Variants in SHISA7 observed in about 807,000 individuals in gnomAD.
The protein encoded by SHISA7 is protein shisa-7.
Under a neutral mutation model 23.9 loss-of-function variants are expected in SHISA7, and 6 were observed. That is an observed-to-expected ratio of 0.25 (90% CI 0.14 to 0.50). SHISA7 has a LOEUF of 0.50. Among genes scored for constraint, SHISA7 ranks in the 20% least tolerant of loss-of-function variants. The pLI, the probability that SHISA7 is intolerant of heterozygous loss-of-function variation, is 0.98. For synonymous variants in SHISA7, 386 were observed against 398.3 expected (o/e 0.97, Z 0.37); for missense variants, 671 against 801.1 (o/e 0.84, Z 1.96).
Position 55,430,404 on chromosome 19 carries a change from C to T in SHISA7, c.*2752G>A, listed in dbSNP as rs543327695. 5.9e-5 allele frequency: 9 copies of T among 152,382 alleles called. No homozygotes were observed. Among genetic ancestry groups the T allele is most frequent in the East Asian group, 5.8e-4 (3 of 5,190 alleles). 9.4% of individuals were successfully genotyped at this position (152,382 alleles called of 1,614,324 possible). On this transcript the variant is annotated 3_prime_UTR_variant, in exon 4 of 4. Transcript: ENST00000376325. ...CCCAGAGGACAACTGAAATACAGCC[C>T]GTCACGGTACTTGGCTCCTAAGATG...
At chr19:55,435,436 T>C (rs1985435651) in intron 3 of SHISA7, among the ~76,000 whole-genome samples, 1 of 144,820 alleles carries the variant, frequency 6.9e-6, no homozygotes, top group Non-Finnish European at 1.5e-5. Flanking sequence ...GATTGAAATA[T>C]TAAAGGATGA....
In SHISA7 at chr19:55,433,846, G is replaced by T; in HGVS notation, c.977-50C>A. On this transcript the variant is annotated intron_variant, in intron 3 of 3. Transcript: ENST00000376325. This position sits in a 1 kb window ranked among gnomAD's most constrained non-coding sequence, Gnocchi z 8.4. ...CAGCCGTGGGTCCCCTGCGCATCTA[G>T]AGCCCTCCCCCTCCCACCTCGTCAC... The T allele has an allele frequency of 7.4e-7, 1 of 1,355,270 alleles. No individual in the cohort carries two copies. Among genetic ancestry groups the T allele is most frequent in the South Asian group, 1.7e-5 (1 of 57,414 alleles). 84.0% of individuals were successfully genotyped at this position (1,355,270 alleles called of 1,614,324 possible). A position where few individuals can be genotyped will look rare whatever the true frequency, so the allele number is the denominator to read the frequency against.
At chr19:55,440,540 G>T in intron 2 of SHISA7, 71 bp downstream of exon 2, 3 of 1,227,176 alleles carry the variant, frequency 2.4e-6, no homozygotes, top group Non-Finnish European at 3.1e-6. Context: ...AGCCGCCATG[G>T]AGGGCGGGGC....
chr19:55,433,536 G>A lies in SHISA7; in HGVS notation c.1237C>T (p.Leu413=), dbSNP rs1463230441. The A allele has an allele frequency of 2.0e-6, 3 of 1,490,862 alleles. No individual in the cohort carries two copies. Among genetic ancestry groups the A allele is most frequent in the African/African-American group, 1.5e-5 (1 of 68,394 alleles). The allele number at this position is 1,490,862 out of a possible 1,614,324, so 92.4% of individuals were successfully genotyped here. The stretch of plus-strand genomic sequence containing the variant: ...AGGGCCTCGGGCGAGGACAGCAGCA[G>A]GTGCTCCTGCGACACCAGGCGCGCG... The part of the protein sequence containing the change: ...PRARLVSQEH[L]LLSSPEALRQ... The change falls in exon 4 of 4, where the codon CTG becomes TTG. Residue 413 remains leucine (L), a synonymous_variant. Transcript: ENST00000376325. This position sits in a 1 kb window ranked among gnomAD's most constrained non-coding sequence, Gnocchi z 8.4.
intron 2 of SHISA7, among the ~76,000 whole-genome samples, chr19:55,438,777 C>A (rs1226403753): frequency 6.6e-6 from 1 of 152,128 alleles, no homozygotes; most frequent in Non-Finnish European, 1.5e-5. Context: ...ATGCCATTGG[C>A]CACATGGGGG....
chr19:55,435,065 GTGTA>G (rs1266272674), intron 3 of SHISA7, among the ~76,000 whole-genome samples: 1 of 94,530 alleles, frequency 1.1e-5, no homozygotes, highest in Non-Finnish European at 2.2e-5. Context: ...TGTGTGTAGT[GTGTA>G]TGGTGTGTGT....
At position 55,442,311 on chromosome 19, in the gene SHISA7, T is replaced by G; in HGVS notation, c.553A>C (p.Thr185Pro). ...ATGACCCCGCACACGACGTAGGCTG[T>G]GCTGCCCCCGGGGCCCTCGCCCCCG... ...GRGGEGPGGS[T>P]AYVVCGVISF... is the part of the protein sequence containing the mutation. Residue 185 changes from threonine to proline, a missense_variant, in exon 1 of 4, where the codon ACA becomes CCA. Transcript: ENST00000376325. 1 of 1,514,118 alleles carries G rather than the reference T, an allele frequency of 6.6e-7. No individual in the cohort carries two copies. Among genetic ancestry groups the G allele is most frequent in the Non-Finnish European group, 8.8e-7 (1 of 1,137,598 alleles). The allele number at this position is 1,514,118 out of a possible 1,614,324, so 93.8% of individuals were successfully genotyped here. A position where few individuals can be genotyped will look rare whatever the true frequency, so the allele number is the denominator to read the frequency against.
At chr19:55,434,821 ATG>A (rs750349823) in intron 3 of SHISA7, among the ~76,000 whole-genome samples, 21 of 22,524 alleles carry the variant, frequency 9.3e-4, no homozygotes, top group Non-Finnish European at 1.6e-3. Flanking sequence ...CATGGTGTGT[ATG>A]TGTGTGTGGT....
intron 2 of SHISA7, among the ~76,000 whole-genome samples, chr19:55,438,878 C>CTT (rs35647245): frequency 3.1e-5 from 2 of 63,852 alleles, no homozygotes; most frequent in African/African-American, 2.5e-4. Flanking sequence ...GCACCCCCCC[C>CTT]CCTGGTGCCC....
Position 55,442,349 on chromosome 19 carries a change from C to T in SHISA7, c.515G>A (p.Gly172Asp), listed in dbSNP as rs1985616880. The T allele has an allele frequency of 2.0e-6, 3 of 1,464,330 alleles. No homozygotes were observed. Among genetic ancestry groups the T allele is most frequent in the South Asian group, 2.6e-5 (2 of 76,358 alleles). The allele number at this position is 1,464,330 out of a possible 1,614,324, so 90.7% of individuals were successfully genotyped here. Residue 172 changes from glycine (G) to aspartate (D), a missense_variant, in exon 1 of 4, where the codon GGT becomes GAT. Coordinates refer to ENST00000376325, the MANE Select transcript of SHISA7 (RefSeq NM_001145176.2). The part of the protein sequence containing the change: ...AGWLEGGRTG[G>D]AGGRGGEGPG... ...GCCCTCGCCCCCGCGGCCCCCGGCACCCCCAGTCCGGCCCCCTTCCAACCA... is the reference window on the plus strand; with the variant it reads ...GCCCTCGCCCCCGCGGCCCCCGGCATCCCCAGTCCGGCCCCCTTCCAACCA...
intron 3 of SHISA7, among the ~76,000 whole-genome samples, chr19:55,436,432 G>A (rs974163387): frequency 1.3e-5 from 2 of 151,480 alleles, no homozygotes; most frequent in Non-Finnish European, 2.9e-5. Context: ...GTGAAACCCC[G>A]TCTCTACTAA....
At position 55,440,720 on chromosome 19, in the gene SHISA7, G is replaced by A; in HGVS notation, c.717C>T (p.Arg239=). Residue 239 remains arginine, a synonymous_variant, in exon 2 of 4, where the codon CGC becomes CGT. Coordinates refer to ENST00000376325, the MANE Select transcript of SHISA7 (RefSeq NM_001145176.2). ...GGGAGCTGCTTCGGGCCCGGTCCGGGCGGGTCCCAGGCCCCGCCTGATGTC... is the reference window on the plus strand; with the variant it reads ...GGGAGCTGCTTCGGGCCCGGTCCGGACGGGTCCCAGGCCCCGCCTGATGTC... ...ILRHQAGPGT[R]PDRARSSSLT... is the part of the protein sequence containing the mutation. 8.0e-7 allele frequency: 1 copy of A among 1,248,240 alleles called. No individual in the cohort carries two copies. Among genetic ancestry groups the A allele is most frequent in the Non-Finnish European group, 1.0e-6 (1 of 988,432 alleles). 77.3% of individuals were successfully genotyped at this position (1,248,240 alleles called of 1,614,324 possible). A position where few individuals can be genotyped will look rare whatever the true frequency, so the allele number is the denominator to read the frequency against.
chr19:55,442,484 GA>G lies in SHISA7; in HGVS notation c.379del (p.Ser127ProfsTer17). On this transcript the variant is annotated frameshift_variant, in exon 1 of 4. Coordinates refer to ENST00000376325, the MANE Select transcript of SHISA7 (RefSeq NM_001145176.2). LOFTEE classifies it high-confidence loss of function. ...GCGCGGCGTGTCGTAGTTGGAGCAG[GA>G]GGCCTGCGCCAGGCGCATGTGACGG... is the stretch of plus-strand genomic sequence containing the variant. The part of the protein sequence containing the change: ...EHRHMRLAQA[S>X]CSNYDTPRWA... The G allele has an allele frequency of 6.8e-7, 1 of 1,467,130 alleles. No individual in the cohort carries two copies. The highest frequency in any genetic ancestry group is 2.3e-5 in the Admixed American group (1 of 43,530). The allele number at this position is 1,467,130 out of a possible 1,614,324, so 90.9% of individuals were successfully genotyped here.
chr19:55,435,337 T>G lies in SHISA7; in HGVS notation c.977-1541A>C, dbSNP rs375027880. On this transcript the variant is annotated intron_variant, in intron 3 of 3. Transcript: ENST00000376325. ...TGTGTGTGTGGGTGTGTGTGGTGTG[T>G]GTGTATGGTGTGTATGGTGTGTGTG... 3.8e-5 allele frequency among the ~76,000 whole-genome samples: 5 copies of G among 130,462 alleles called. No individual in the cohort carries two copies. In the South Asian group the frequency reaches 1.1e-3, roughly 28 times the overall value. 85.6% of individuals were successfully genotyped at this position (130,462 alleles called of 152,430 possible).
chr19:55,433,539 G>GCTC lies in SHISA7; in HGVS notation c.1231_1233dup (p.Glu411dup). On this transcript the variant is annotated inframe_insertion, in exon 4 of 4. Coordinates refer to ENST00000376325, the MANE Select transcript of SHISA7 (RefSeq NM_001145176.2). The surrounding 1 kb of genome is among the most constrained non-coding windows in gnomAD (Gnocchi z 8.4). ...GCCTCGGGCGAGGACAGCAGCAGGT[G>GCTC]CTCCTGCGACACCAGGCGCGCGCGC... is the stretch of plus-strand genomic sequence containing the variant. 1 of 1,491,962 alleles carries GCTC rather than the reference G, an allele frequency of 6.7e-7. No individual in the cohort carries two copies. Among genetic ancestry groups the GCTC allele is most frequent in the Non-Finnish European group, 8.9e-7 (1 of 1,127,416 alleles). The allele number at this position is 1,491,962 out of a possible 1,614,324, so 92.4% of individuals were successfully genotyped here. A position where few individuals can be genotyped will look rare whatever the true frequency, so the allele number is the denominator to read the frequency against.
rs1985614863 is a variant in SHISA7, at chr19:55,442,250, A to G, written c.614T>C (p.Val205Ala). 3.9e-6 allele frequency: 6 copies of G among 1,533,852 alleles called. No homozygotes were observed. The highest frequency in any genetic ancestry group is 1.4e-5 in the African/African-American group (1 of 72,710). The change falls in exon 1 of 4, where the codon GTG becomes GCG. Residue 205 changes from valine to alanine, a missense_variant. Physicochemically the swap from Val to Ala is moderately conservative, Grantham distance 64 (BLOSUM62 0). Transcript: ENST00000376325. ...CGCACGGGACGCCTTGCTGAAGGCC[A>G]CTTTGGCGCCGACGCCCACGGCCAG... ...FALAVGVGAKVAFSKASRAPR... is the reference protein window; with the variant it reads ...FALAVGVGAKAAFSKASRAPR...
In SHISA7 at chr19:55,433,051, G is replaced by A. The variant is rs1485006515; in HGVS notation, c.*105C>T. 7.5e-7 allele frequency: 1 copy of A among 1,338,136 alleles called. No homozygotes were observed. Among genetic ancestry groups the A allele is most frequent in the Non-Finnish European group, 9.7e-7 (1 of 1,030,824 alleles). 82.9% of individuals were successfully genotyped at this position (1,338,136 alleles called of 1,614,324 possible). A position where few individuals can be genotyped will look rare whatever the true frequency, so the allele number is the denominator to read the frequency against. On this transcript the variant is annotated 3_prime_UTR_variant, in exon 4 of 4. Transcript: ENST00000376325. The surrounding 1 kb of genome is among the most constrained non-coding windows in gnomAD (Gnocchi z 8.4). ...AGGAGGCTTTCACTCCTGTCCAAGG[G>A]CCGATCTGGGCCCCAGGCCCCTGGC...
chr19:55,442,888 G>A lies in SHISA7; in HGVS notation c.-25C>T. 1 of 1,311,112 alleles carries A rather than the reference G, an allele frequency of 7.6e-7. No individual in the cohort carries two copies. Among genetic ancestry groups the A allele is most frequent in the South Asian group, 1.9e-5 (1 of 52,288 alleles). The allele number at this position is 1,311,112 out of a possible 1,614,324, so 81.2% of individuals were successfully genotyped here. A position where few individuals can be genotyped will look rare whatever the true frequency, so the allele number is the denominator to read the frequency against. ...TGGGGCTTGCAGGGGGTCGCACTGG[G>A]CCGCCAGGCTGCGGGGAGAACGAGA... On this transcript the variant is annotated 5_prime_UTR_variant, in exon 1 of 4. Transcript: ENST00000376325.
rs1985620296 is a variant in SHISA7, at chr19:55,442,436, AGCG to A, written c.425_427del (p.Pro142del). 3.5e-6 allele frequency: 5 copies of A among 1,414,344 alleles called. No individual in the cohort carries two copies. Among genetic ancestry groups the A allele is most frequent in the African/African-American group, 1.5e-5 (1 of 66,468 alleles). The allele number at this position is 1,414,344 out of a possible 1,614,324, so 87.6% of individuals were successfully genotyped here. On this transcript the variant is annotated inframe_deletion, in exon 1 of 4. Coordinates refer to ENST00000376325, the MANE Select transcript of SHISA7 (RefSeq NM_001145176.2). ...CCCAGCGCCCCCGGCGCCCCCAGCT[AGCG>A]GCGGCGGCGTGGTGGCCCAGCGCGG...
Sources: allele counts gnomAD v4.1 joint callset (sites outside exome capture counted in the v4.1 genomes callset), GRCh38; gene constraint gnomAD v4.1.1; non-coding constraint Gnocchi (gnomAD v3.1); transcripts MANE v1.5; gene names NCBI Gene and HGNC (gene_info 2026-07-23, HGNC 2026-07-21).